Variants in EVC2 observed in about 807,000 individuals in gnomAD.
The protein encoded by EVC2 is limbin.
In EVC2, 148 loss-of-function variants were observed where a neutral mutation model predicts 149.3. The ratio of observed to expected loss-of-function variants is 0.99; its 90% CI spans 0.87 to 1.14. The LOEUF is 1.14. Ranked by LOEUF, EVC2 falls within the 50% of genes most tolerant of loss-of-function variation. The pLI, the probability that EVC2 is intolerant of heterozygous loss-of-function variation, is 0.00. For missense variants in EVC2, 1,854 were observed against 1,627.3 expected (o/e 1.14, Z -2.40); for synonymous variants, 776 against 649.9 (o/e 1.19, Z -2.95).
the EVC2 span, among the ~76,000 whole-genome samples, chr4:5,536,867 G>A: frequency 2.0e-5 from 3 of 151,880 alleles, no homozygotes; most frequent in Non-Finnish European, 2.9e-5. Context: ...AAACCCTGGA[G>A]AAAAATAAGC....
chr4:5,599,169 C>A (rs933135991), intron 16 of EVC2, among the ~76,000 whole-genome samples: 24 of 151,716 alleles, frequency 1.6e-4, no homozygotes, highest in Admixed American at 6.6e-4. Context: ...GTGGCGATTC[C>A]TCAGGGATCT....
At chr4:5,531,279 T>C in the EVC2 span, among the ~76,000 whole-genome samples, 33 of 152,286 alleles carry the variant, frequency 2.2e-4, no homozygotes, top group African/African-American at 7.7e-4. Flanking sequence ...AGAATGTGTA[T>C]ATATGGTCCT....
chr4:5,682,347 G>A (rs1039878805), intron 6 of EVC2, among the ~76,000 whole-genome samples: 5 of 151,430 alleles, frequency 3.3e-5, no homozygotes, highest in African/African-American at 4.9e-5. Flanking sequence ...AAAATTAGCT[G>A]GGTGTGGTGG....
At position 5,622,935 on chromosome 4, in the gene EVC2, C is replaced by G. The variant is rs1361577884; in HGVS notation, c.2103G>C (p.Glu701Asp). 2.5e-6 allele frequency: 4 copies of G among 1,614,148 alleles called. No individual in the cohort carries two copies. The highest frequency in any genetic ancestry group is 3.4e-6 in the Non-Finnish European group (4 of 1,180,022). ...TCTGGTGCAGGTACTGGCCGGCATC[C>G]TCAACCGTTCGGAAGGCCTCGCCGA... ...ASVGEAFRTV[E>D]DAGQYLHQKR... is the part of the protein sequence containing the mutation. Residue 701 changes from glutamate to aspartate, a missense_variant, in exon 14 of 22, where the codon GAG (glutamate) becomes GAC (aspartate). Glu to Asp is a conservative substitution (Grantham distance 45, BLOSUM62 2). Coordinates refer to ENST00000344408, the MANE Select transcript of EVC2 (RefSeq NM_147127.5). This position sits in a 1 kb window ranked among gnomAD's most constrained non-coding sequence, Gnocchi z 5.8.
At position 5,628,671 on chromosome 4, in the gene EVC2, A is replaced by G; in HGVS notation, c.1774T>C (p.Phe592Leu). The G allele has an allele frequency of 6.2e-7, 1 of 1,614,042 alleles. No individual in the cohort carries two copies. Among genetic ancestry groups the G allele is most frequent in the Middle Eastern group, 1.6e-4 (1 of 6,062 alleles). Residue 592 changes from phenylalanine (F) to leucine (L), a missense_variant, in exon 12 of 22, where the codon TTT becomes CTT. Physicochemically the swap from Phe to Leu is conservative, Grantham distance 22. Coordinates refer to ENST00000344408, the MANE Select transcript of EVC2 (RefSeq NM_147127.5). ...TGGACCAGATATTCCCTGTGGCCAA[A>G]TCTTTTACTTAGATGATACCTCTTA... ...ASKRYHLSKR[F>L]GHREYLVQNL...
At chr4:5,538,100 C>CAGGG (rs368510947), downstream of EVC2, among the ~76,000 whole-genome samples, 335 of 147,662 alleles carry the variant, frequency 2.3e-3, 2 homozygotes, top group African/African-American at 7.8e-3. Flanking sequence ...GGAAGGGAAG[C>CAGGG]AGGGAGGGAG....
At chr4:5,685,031 A>T (rs1320860184) in intron 6 of EVC2, among the ~76,000 whole-genome samples, 1 of 152,228 alleles carries the variant, frequency 6.6e-6, no homozygotes, top group African/African-American at 2.4e-5. Context: ...TTGTTATGGT[A>T]GCCCTGCAAA....
At chr4:5,536,850 G>T in the EVC2 span, among the ~76,000 whole-genome samples, 1 of 151,732 alleles carries the variant, frequency 6.6e-6, no homozygotes, top group Non-Finnish European at 1.5e-5. Context: ...AGCCTCAGGA[G>T]AAAGAAAAAC....
At chr4:5,620,545 G>A (rs965029888) in intron 14 of EVC2, among the ~76,000 whole-genome samples, 2 of 152,196 alleles carry the variant, frequency 1.3e-5, no homozygotes, top group Admixed American at 1.3e-4. Flanking sequence ...TTCTAAAAAT[G>A]TGTTTCAAAT....
At chr4:5,583,511 T>A (rs902963069) in intron 17 of EVC2, among the ~76,000 whole-genome samples, 1 of 152,192 alleles carries the variant, frequency 6.6e-6, no homozygotes, top group African/African-American at 2.4e-5. Context: ...GATTTTAAAG[T>A]ACTGAATCAA....
intron 16 of EVC2, among the ~76,000 whole-genome samples, chr4:5,603,810 T>C (rs542019643): frequency 6.6e-6 from 1 of 152,220 alleles, no homozygotes; most frequent in South Asian, 2.1e-4. Context: ...GAAGAGGAAA[T>C]ATGGTTATGT....
intron 16 of EVC2, among the ~76,000 whole-genome samples, chr4:5,600,180 G>T (rs1713858802): frequency 6.6e-6 from 1 of 152,138 alleles, no homozygotes; most frequent in Non-Finnish European, 1.5e-5. Context: ...TGCTTAACCT[G>T]TCTGAGTCTC....
At chr4:5,662,708 AT>A (rs1408144220) in intron 9 of EVC2, among the ~76,000 whole-genome samples, 1 of 147,774 alleles carries the variant, frequency 6.8e-6, no homozygotes. Context: ...TAAAATAATA[AT>A]TATTCAATAA....
chr4:5,624,704 C>T (rs1715973476), intron 13 of EVC2, among the ~76,000 whole-genome samples: 1 of 152,128 alleles, frequency 6.6e-6, no homozygotes, highest in African/African-American at 2.4e-5. Context: ...TGTTTCCATC[C>T]CTTAACCAGT....
At chr4:5,631,719 C>T in intron 11 of EVC2, 74 bp downstream of exon 11, 1 of 1,592,426 alleles carries the variant, frequency 6.3e-7, no homozygotes, top group Non-Finnish European at 8.5e-7. Context: ...CAGGACTGAA[C>T]TCTGAGAGAG....
the EVC2 span, among the ~76,000 whole-genome samples, chr4:5,537,699 G>A: frequency 6.6e-6 from 1 of 152,200 alleles, no homozygotes; most frequent in East Asian, 1.9e-4. Context: ...AAGTAAAGAA[G>A]CAGGAAATGT....
intron 16 of EVC2, among the ~76,000 whole-genome samples, chr4:5,595,571 C>G (rs564736228): frequency 2.6e-5 from 4 of 152,234 alleles, no homozygotes; most frequent in South Asian, 4.2e-4. Context: ...GAAGGAAGCG[C>G]TAAACATGGA....
At chr4:5,565,179 C>A in intron 21 of EVC2, 79 bp downstream of exon 21, 2 of 1,383,916 alleles carry the variant, frequency 1.4e-6, no homozygotes, top group South Asian at 2.3e-5. Flanking sequence ...TTCCTTGTCA[C>A]CTCCTGCCTC....
chr4:5,624,480 T>C (rs1342698265), intron 13 of EVC2, among the ~76,000 whole-genome samples: 1 of 152,218 alleles, frequency 6.6e-6, no homozygotes, highest in African/African-American at 2.4e-5. Context: ...TGTCAGGCAG[T>C]GTTCTCAACA....
Sources: allele counts gnomAD v4.1 joint callset (sites outside exome capture counted in the v4.1 genomes callset), GRCh38; gene constraint gnomAD v4.1.1; non-coding constraint Gnocchi (gnomAD v3.1); transcripts MANE v1.5; gene names NCBI Gene and HGNC (gene_info 2026-07-23, HGNC 2026-07-21).